CACNA1S: variants seen among roughly 807,000 people sequenced by gnomAD.
CACNA1S encodes the protein calcium voltage-gated channel subunit alpha1 S.
Under a neutral mutation model 207.4 loss-of-function variants are expected in CACNA1S, and 126 were observed. That is an observed-to-expected ratio of 0.61 (90% confidence interval 0.53 to 0.70). The LOEUF (loss-of-function observed/expected upper bound fraction) is 0.70, where lower values mean the gene tolerates loss of function less well. Ranked by LOEUF, CACNA1S falls within the 30% of genes least tolerant of loss-of-function variation. The pLI is 0.00. For missense variants in CACNA1S, 2,349 were observed against 2,422.8 expected (o/e 0.97, Z 0.64); for synonymous variants, 960 against 932.7 (o/e 1.03, Z -0.53).
At chr1:201,062,151 A>G in intron 23 of CACNA1S, 61 bp from the exon 24 acceptor site, 1 of 1,578,270 alleles carries the variant, frequency 6.3e-7, no homozygotes, top group Non-Finnish European at 8.7e-7. Context: ...CCCCACCCAC[A>G]TCCTCTGGGC....
At position 201,050,451 on chromosome 1, in the gene CACNA1S, G is replaced by T; in HGVS notation, c.4179C>A (p.Ile1393=). 1 of 1,614,134 alleles carries T rather than the reference G, an allele frequency of 6.2e-7. No homozygotes were observed. Among genetic ancestry groups the T allele is most frequent in the Non-Finnish European group, 8.5e-7 (1 of 1,180,016 alleles). ...NFDYLTRDWS[I]LGPHHLDEFK... is the part of the protein sequence containing the mutation. The stretch of plus-strand genomic sequence containing the variant: ...ACTCATCCAGGTGATGAGGGCCCAG[G>T]ATGGACCAGTCCCGGGTGAGGTAGT... The change falls in exon 34 of 44, where the codon ATC becomes ATA. Residue 1393 remains isoleucine, a synonymous_variant. Coordinates refer to ENST00000362061, the MANE Select transcript of CACNA1S (RefSeq NM_000069.3).
At chr1:201,059,646 A>T (rs984490579) in intron 26 of CACNA1S, among the ~76,000 whole-genome samples, 1 of 152,212 alleles carries the variant, frequency 6.6e-6, no homozygotes, top group Non-Finnish European at 1.5e-5. Context: ...CAGGTCGTCC[A>T]GGCAGGGCTC....
rs1357816338 is a variant in CACNA1S, at chr1:201,062,443, T to C, written c.2906+19A>G. The C allele has an allele frequency of 6.2e-6, 10 of 1,610,804 alleles. No homozygotes were observed. The highest frequency in any genetic ancestry group is 8.5e-6 in the Non-Finnish European group (10 of 1,178,058). On this transcript the variant is annotated intron_variant, in intron 23 of 43. Coordinates refer to ENST00000362061, the MANE Select transcript of CACNA1S (RefSeq NM_000069.3). ...TCCCTGCCCCGTGACCGTCCCACTGTGCTCCCTGCCCCATGTACCTGCACT... is the reference window on the plus strand; with the variant it reads ...TCCCTGCCCCGTGACCGTCCCACTGCGCTCCCTGCCCCATGTACCTGCACT...
At chr1:201,101,485 C>T (rs572296480) in intron 2 of CACNA1S, among the ~76,000 whole-genome samples, 3 of 152,240 alleles carry the variant, frequency 2.0e-5, no homozygotes, top group Non-Finnish European at 4.4e-5. Context: ...AAACGTTTAG[C>T]AACTTTGACA....
intron 3 of CACNA1S, among the ~76,000 whole-genome samples, chr1:201,093,078 G>A (rs1024950688): frequency 3.3e-5 from 5 of 152,228 alleles, no homozygotes; most frequent in Admixed American, 2.0e-4. Flanking sequence ...CTTGATAAAT[G>A]CTATTGTTAT....
Position 201,110,218 on chromosome 1 carries a change from C to T in CACNA1S, c.204G>A (p.Leu68=), listed in dbSNP as rs1482425322. 1.2e-6 allele frequency: 2 copies of T among 1,614,172 alleles called. No individual in the cohort carries two copies. Among genetic ancestry groups the T allele is most frequent in the South Asian group, 2.2e-5 (2 of 91,074 alleles). Residue 68 remains leucine (L), a synonymous_variant, in exon 2 of 44, where the codon CTG becomes CTA. Transcript: ENST00000362061. ...CTTCCGGCATGGGCAGGTACACGGC[C>T]AGGGCCACACAATTGGCAAAGATGG... The part of the protein sequence containing the change: ...LLTIFANCVA[L]AVYLPMPEDD...
intron 22 of CACNA1S, among the ~76,000 whole-genome samples, 191 bp from the exon 23 acceptor site, chr1:201,062,705 T>A (rs1467167109): frequency 4.6e-5 from 7 of 152,196 alleles, no homozygotes; most frequent in Admixed American, 2.0e-4. Flanking sequence ...CAGCCTCCTT[T>A]CTTCACCATC....
rs1048654799 is a variant in CACNA1S at position 201,049,178 on chromosome 1, G to A, written c.4242-79C>T. Reference sequence around the variant, plus strand: ...CCTTTCTGCTCAGAGGATGGGCAATGGGAAAGAAAGCCAGGAAACAGGGGA... The same window carrying A: ...CCTTTCTGCTCAGAGGATGGGCAATAGGAAAGAAAGCCAGGAAACAGGGGA... On this transcript the variant is annotated intron_variant, in intron 34 of 43. Transcript: ENST00000362061. 7.2e-6 allele frequency: 7 copies of A among 976,434 alleles called. No individual in the cohort carries two copies. In the Admixed American group the frequency reaches 1.4e-4, roughly 20 times the overall value. The allele number at this position is 976,434 out of a possible 1,614,324, so 60.5% of individuals were successfully genotyped here.
At chr1:201,083,396 C>G (rs1661914807) in intron 9 of CACNA1S, 74 bp from the exon 10 acceptor site, 1 of 1,522,000 alleles carries the variant, frequency 6.6e-7, no homozygotes, top group Non-Finnish European at 9.1e-7. Context: ...TACCTTCAGA[C>G]AAACTCCAGG....
At chr1:201,050,614 G>T in intron 33 of CACNA1S, 98 bp from the exon 34 acceptor site, 1 of 1,396,296 alleles carries the variant, frequency 7.2e-7, no homozygotes, top group African/African-American at 1.4e-5. Flanking sequence ...ACAACTTCTC[G>T]CTTCCTGTGC....
rs757112281 is a variant in CACNA1S at position 201,061,442 on chromosome 1, T to C, written c.3080A>G (p.Asn1027Ser). ...GTAGATGGGACCCACGTCCTCCGCA[T>C]TGGAGTCTATGGCCTTGTACAGCAG... ...PQLLYKAIDSNAEDVGPIYNN... is the reference protein window; with the variant it reads ...PQLLYKAIDSSAEDVGPIYNN... Residue 1027 changes from asparagine (N) to serine (S), a missense_variant, in exon 25 of 44, where the codon AAT (asparagine) becomes AGT (serine). Physicochemically the swap from Asn to Ser is conservative, Grantham distance 46. Coordinates refer to ENST00000362061, the MANE Select transcript of CACNA1S (RefSeq NM_000069.3). 3.1e-6 allele frequency: 5 copies of C among 1,614,164 alleles called. No individual in the cohort carries two copies. In the South Asian group the frequency reaches 3.3e-5, roughly 11 times the overall value.
In CACNA1S at chr1:201,085,441, C is replaced by G. The variant is rs1286975677; in HGVS notation, c.1145G>C (p.Arg382Thr). Residue 382 changes from arginine (R) to threonine (T), a missense_variant, in exon 8 of 44, where the codon AGA becomes ACA. Arg to Thr is a moderately conservative substitution (Grantham distance 71). Coordinates refer to ENST00000362061, the MANE Select transcript of CACNA1S (RefSeq NM_000069.3). Reference protein sequence around the residue: ...QGEVMDVEDFREGKLSLDEGG... With the variant: ...QGEVMDVEDFTEGKLSLDEGG... ...CACAGCCTTTGGGCCCAAACCTTCT[C>G]TGAAGTCCTCAACATCCATGACCTC... is the stretch of plus-strand genomic sequence containing the variant. 6.2e-7 allele frequency: 1 copy of G among 1,613,574 alleles called. No individual in the cohort carries two copies. The highest frequency in any genetic ancestry group is 1.3e-5 in the African/African-American group (1 of 74,764).
chr1:201,112,424 A>T lies in CACNA1S; in HGVS notation c.-85T>A. 6.2e-7 allele frequency: 1 copy of T among 1,606,076 alleles called. No individual in the cohort carries two copies. The highest frequency in any genetic ancestry group is 8.5e-7 in the Non-Finnish European group (1 of 1,179,234). ...TGTCCCCAATGCCCCCGCCTTGGGGACTAGGCTGGCTGAGGCTGTCGGCTG... is the reference window on the plus strand; with the variant it reads ...TGTCCCCAATGCCCCCGCCTTGGGGTCTAGGCTGGCTGAGGCTGTCGGCTG... On this transcript the variant is annotated 5_prime_UTR_variant, in exon 1 of 44. Coordinates refer to ENST00000362061, the MANE Select transcript of CACNA1S (RefSeq NM_000069.3).
rs1470040555 is a variant in CACNA1S, at chr1:201,081,012, A to G, written c.1393+2150T>C. Among the ~76,000 whole-genome samples, 5 of 152,038 alleles carry G rather than the reference A, an allele frequency of 3.3e-5. No homozygotes were observed. In the East Asian group the frequency reaches 9.7e-4, roughly 29 times the overall value. The stretch of plus-strand genomic sequence containing the variant: ...AGGATTTTGATTTTTCACTTGAGAC[A>G]TTTTTCCTTTCTCCCAGGGCCTCTA... On this transcript the variant is annotated intron_variant, in intron 10 of 43. Coordinates refer to ENST00000362061, the MANE Select transcript of CACNA1S (RefSeq NM_000069.3).
chr1:201,042,128 A>ATTTGT (rs796347831), intron 40 of CACNA1S, among the ~76,000 whole-genome samples: 70 of 151,956 alleles, frequency 4.6e-4, no homozygotes, highest in African/African-American at 8.9e-4. Context: ...TTTTTTGTTT[A>ATTTGT]TTTGTTTTGT....
chr1:201,085,037 G>T lies in CACNA1S; in HGVS notation c.1151-6C>A, dbSNP rs1345940658. 1.2e-6 allele frequency: 2 copies of T among 1,605,880 alleles called. No individual in the cohort carries two copies. Among genetic ancestry groups the T allele is most frequent in the Non-Finnish European group, 1.7e-6 (2 of 1,177,202 alleles). On this transcript the variant is annotated splice_polypyrimidine_tract_variant and splice_region_variant and intron_variant, in intron 8 of 43. Transcript: ENST00000362061. Reference sequence around the variant, plus strand: ...TTCATCCAAAGACAGTTTTCCTGGAGACAGGAGAGAAAGAGTCAGCCAGCC... The same window carrying T: ...TTCATCCAAAGACAGTTTTCCTGGATACAGGAGAGAAAGAGTCAGCCAGCC...
chr1:201,058,143 AC>A (rs1169089477), intron 28 of CACNA1S, among the ~76,000 whole-genome samples: 1 of 151,918 alleles, frequency 6.6e-6, no homozygotes, highest in Non-Finnish European at 1.5e-5. Flanking sequence ...TGACCACCCC[AC>A]CCAGAGACGA....
At position 201,056,485 on chromosome 1, in the gene CACNA1S, A is replaced by G. The variant is rs147589460; in HGVS notation, c.3609+1923T>C. On this transcript the variant is annotated intron_variant, in intron 28 of 43. Coordinates refer to ENST00000362061, the MANE Select transcript of CACNA1S (RefSeq NM_000069.3). ...AGTGGGCAGTTCAGAAGAAAGCCCT[A>G]TGCATGGGTGAGCCCCTAGCTTTGG... 5.5e-3 allele frequency among the ~76,000 whole-genome samples: 831 copies of G among 152,344 alleles called. 7 individuals carry two copies. Among genetic ancestry groups the G allele is most frequent in the African/African-American group, 0.018 (756 of 41,582 alleles).
Position 201,059,179 on chromosome 1 carries a change from C to A in CACNA1S, c.3525+10G>T. Reference sequence around the variant, plus strand: ...AGCTTCTCATCTGGCCCGGTGGCCCCCACACTCACCCTGGCCTTGAAGGCC... The same window carrying A: ...AGCTTCTCATCTGGCCCGGTGGCCCACACACTCACCCTGGCCTTGAAGGCC... On this transcript the variant is annotated intron_variant, in intron 27 of 43. Transcript: ENST00000362061. 6.3e-7 allele frequency: 1 copy of A among 1,587,836 alleles called. No homozygotes were observed. The highest frequency in any genetic ancestry group is 8.6e-7 in the Non-Finnish European group (1 of 1,156,194).
Sources: allele counts gnomAD v4.1 joint callset (sites outside exome capture counted in the v4.1 genomes callset), GRCh38; gene constraint gnomAD v4.1.1; transcripts MANE v1.5; gene names NCBI Gene and HGNC (gene_info 2026-07-23, HGNC 2026-07-21).